Variants in FAM168B observed in about 807,000 individuals in gnomAD.
FAM168B encodes myelin-associated neurite-outgrowth inhibitor.
In FAM168B, 19 loss-of-function variants were observed where a neutral mutation model predicts 21.8. That is an observed-to-expected ratio of 0.87 (90% confidence interval 0.61 to 1.28). The LOEUF (loss-of-function observed/expected upper bound fraction) is 1.28. Among genes scored for constraint, FAM168B ranks in the 50% most tolerant of loss-of-function variants. The pLI, the probability that FAM168B is intolerant of heterozygous loss-of-function variation, is 0.00. For synonymous variants in FAM168B, 126 were observed against 104.8 expected (o/e 1.20, Z -1.24); for missense variants, 233 against 263.1 (o/e 0.89, Z 0.79).
intron 3 of FAM168B, among the ~76,000 whole-genome samples, chr2:131,060,951 A>T (rs1252591059): frequency 6.6e-6 from 1 of 151,484 alleles, no homozygotes; most frequent in Admixed American, 6.6e-5. Context: ...TCCCGGGTTC[A>T]CGCCATTCTC....
chr2:131,065,806 A>G (rs1489676538), intron 3 of FAM168B, among the ~76,000 whole-genome samples: 1 of 150,476 alleles, frequency 6.6e-6, no homozygotes, highest in Admixed American at 6.6e-5. Flanking sequence ...AAAGAAAAAA[A>G]GAAAAAAAAA....
Position 131,072,106 on chromosome 2 carries a change from G to A in FAM168B, c.71-168C>T, listed in dbSNP as rs1051705767. On this transcript the variant is annotated intron_variant, in intron 2 of 6. Transcript: ENST00000389915. ...GCATGTCTCTAGTTGTCTTCTTCCCGCAGAACTTTGTTTTTTTTATCGTTG... is the reference window on the plus strand; with the variant it reads ...GCATGTCTCTAGTTGTCTTCTTCCCACAGAACTTTGTTTTTTTTATCGTTG... Among the ~76,000 whole-genome samples, 9 of 152,228 alleles carry A rather than the reference G, an allele frequency of 5.9e-5. 1 individual carries two copies. In the South Asian group the frequency reaches 1.2e-3, roughly 21 times the overall value.
intron 3 of FAM168B, among the ~76,000 whole-genome samples, chr2:131,062,831 T>C (rs1692371673): frequency 6.6e-6 from 1 of 152,238 alleles, no homozygotes; most frequent in African/African-American, 2.4e-5. Flanking sequence ...AGCATGCATA[T>C]GCAACTCAGC....
In FAM168B at chr2:131,051,771, C is replaced by T. The variant is rs1691691217; in HGVS notation, c.*694G>A. 1.0e-6 allele frequency: 1 copy of T among 985,428 alleles called. No homozygotes were observed. Among genetic ancestry groups the T allele is most frequent in the Admixed American group, 6.1e-5 (1 of 16,282 alleles). The allele number at this position is 985,428 out of a possible 1,614,324, so 61.0% of individuals were successfully genotyped here. On this transcript the variant is annotated 3_prime_UTR_variant, in exon 7 of 7. Coordinates refer to ENST00000389915, the MANE Select transcript of FAM168B (RefSeq NM_001009993.4). ...TTTCATGATGAGCTTTAAGCATGTC[C>T]CTGTTCCACTGACTCCACCAAGCCT...
intron 1 of FAM168B, among the ~76,000 whole-genome samples, chr2:131,084,984 T>C (rs889427184): frequency 6.6e-6 from 1 of 152,116 alleles, no homozygotes; most frequent in Non-Finnish European, 1.5e-5. Flanking sequence ...TAAAATGCAG[T>C]GTATTAAAGT....
At chr2:131,086,782 A>ATAAAGTGTTCTGAGGGCTGAGAGGGG (rs1573822542) in intron 1 of FAM168B, among the ~76,000 whole-genome samples, 2 of 147,540 alleles carry the variant, frequency 1.4e-5, no homozygotes, top group African/African-American at 5.3e-5. Context: ...TCACAAGAGA[A>ATAAAGTGTTCTGAGGGCTGAGAGGGG]AGGCCGGGCG....
rs534099261 is a variant in FAM168B, at chr2:131,077,712, T to A, written c.70+4865A>T. Among the ~76,000 whole-genome samples, 102 of 152,334 alleles carry A rather than the reference T, an allele frequency of 6.7e-4. 1 individual carries two copies. The highest frequency in any genetic ancestry group is 6.6e-3 in the Admixed American group (101 of 15,298). The stretch of plus-strand genomic sequence containing the variant: ...CTGGAGGACAGAGAAACATGGGTTT[T>A]GGTGATCTTGAAGGGCTGTAGTGAT... On this transcript the variant is annotated intron_variant, in intron 2 of 6. Transcript: ENST00000389915.
chr2:131,055,689 G>A lies in FAM168B; in HGVS notation c.161C>T (p.Thr54Ile). ...GANPTFQTGY[T>I]PGTPYKVSCS... is the part of the protein sequence containing the mutation. ...GGACACTTTGTAAGGTGTGCCAGGA[G>A]TGTAACCTGGAACAAAGAAGGCAAT... is the stretch of plus-strand genomic sequence containing the variant. Residue 54 changes from threonine to isoleucine, a missense_variant, in exon 4 of 7, where the codon ACT (threonine) becomes ATT (isoleucine). Transcript: ENST00000389915. 1 of 1,613,724 alleles carries A rather than the reference G, an allele frequency of 6.2e-7. No individual in the cohort carries two copies.
At chr2:131,062,840 G>A (rs1692372229) in intron 3 of FAM168B, among the ~76,000 whole-genome samples, 1 of 152,232 alleles carries the variant, frequency 6.6e-6, no homozygotes, top group African/African-American at 2.4e-5. Flanking sequence ...ATGCAACTCA[G>A]CATGCAATGC....
At chr2:131,070,559 C>G (rs545623015) in intron 3 of FAM168B, among the ~76,000 whole-genome samples, 7 of 152,268 alleles carry the variant, frequency 4.6e-5, no homozygotes, top group South Asian at 2.1e-4. Flanking sequence ...TTTATTTACT[C>G]AAGAGAAATC....
intron 1 of FAM168B, among the ~76,000 whole-genome samples, chr2:131,088,965 C>CT (rs34730768): frequency 0.24 from 33,320 of 139,878 alleles, 5,691 homozygotes; most frequent in African/African-American, 0.49. Flanking sequence ...GAGCGTACCA[C>CT]TTTTTTTTTT....
chr2:131,058,706 T>C (rs1692148020), intron 3 of FAM168B, among the ~76,000 whole-genome samples: 1 of 152,136 alleles, frequency 6.6e-6, no homozygotes, highest in South Asian at 2.1e-4. Context: ...AAAAGCAAGT[T>C]TCAAGACAAG....
intron 2 of FAM168B, among the ~76,000 whole-genome samples, chr2:131,077,793 G>A (rs1573802414): frequency 6.6e-6 from 1 of 152,240 alleles, no homozygotes; most frequent in Middle Eastern, 3.4e-3. Context: ...TAAGACATAT[G>A]TCAAATTCTA....
In FAM168B at chr2:131,055,662, C is replaced by A; in HGVS notation, c.188G>T (p.Cys63Phe). The A allele has an allele frequency of 6.2e-7, 1 of 1,613,724 alleles. No individual in the cohort carries two copies. The highest frequency in any genetic ancestry group is 1.3e-5 in the African/African-American group (1 of 74,990). ...YTPGTPYKVS[C>F]SPTSGAVPPY... ...TGGCACAGCCCCGCTGGTGGGGGAA[C>A]AGGACACTTTGTAAGGTGTGCCAGG... The change falls in exon 4 of 7, where the codon TGT becomes TTT. Residue 63 changes from cysteine (C) to phenylalanine (F), a missense_variant. Physicochemically the swap from Cys to Phe is radical, Grantham distance 205. Transcript: ENST00000389915.
Position 131,055,357 on chromosome 2 carries a change from C to G in FAM168B, c.390G>C (p.Thr130=). The G allele has an allele frequency of 6.3e-7, 1 of 1,596,828 alleles. No individual in the cohort carries two copies. Among genetic ancestry groups the G allele is most frequent in the East Asian group, 2.2e-5 (1 of 44,660 alleles). The change falls in exon 5 of 7, where the codon ACG becomes ACC. Residue 130 remains threonine (T), a synonymous_variant. Coordinates refer to ENST00000389915, the MANE Select transcript of FAM168B (RefSeq NM_001009993.4). ...GAGGGGGGATGGGAGCAGGGTACACCGTTGCAGGCATGCCGTTGGGCTGCA... is the reference window on the plus strand; with the variant it reads ...GAGGGGGGATGGGAGCAGGGTACACGGTTGCAGGCATGCCGTTGGGCTGCA... ...TVVQPNGMPA[T]VYPAPIPPPR...
intron 3 of FAM168B, among the ~76,000 whole-genome samples, chr2:131,059,762 G>A (rs571033177): frequency 1.3e-5 from 2 of 152,258 alleles, no homozygotes; most frequent in East Asian, 3.9e-4. Flanking sequence ...CTGGAAATAT[G>A]AACACTGATT....
intron 1 of FAM168B, among the ~76,000 whole-genome samples, chr2:131,087,624 G>A (rs904082986): frequency 6.6e-6 from 1 of 152,198 alleles, no homozygotes; most frequent in Non-Finnish European, 1.5e-5. Context: ...TAGGGAATCA[G>A]TAATAGATGA....
rs765582770 is a variant in FAM168B, at chr2:131,049,120, C to A, written c.*3345G>T. The A allele has an allele frequency of 2.1e-5, 21 of 985,474 alleles. No individual in the cohort carries two copies. Among genetic ancestry groups the A allele is most frequent in the Non-Finnish European group, 2.4e-5 (20 of 829,938 alleles). The allele number at this position is 985,474 out of a possible 1,614,324, so 61.0% of individuals were successfully genotyped here. ...CTTACATACCTTACGGGGGCCAACACTGACAGGTATTAGTACGTCGCAAGT... is the reference window on the plus strand; with the variant it reads ...CTTACATACCTTACGGGGGCCAACAATGACAGGTATTAGTACGTCGCAAGT... On this transcript the variant is annotated 3_prime_UTR_variant, in exon 7 of 7. Coordinates refer to ENST00000389915, the MANE Select transcript of FAM168B (RefSeq NM_001009993.4).
chr2:131,074,700 G>T (rs1409505847), intron 2 of FAM168B, among the ~76,000 whole-genome samples: 1 of 152,146 alleles, frequency 6.6e-6, no homozygotes, highest in Non-Finnish European at 1.5e-5. Flanking sequence ...ACCAAAGCAA[G>T]GAAGCCCTAA....
Sources: allele counts gnomAD v4.1 joint callset (sites outside exome capture counted in the v4.1 genomes callset), GRCh38; gene constraint gnomAD v4.1.1; transcripts MANE v1.5; gene names NCBI Gene and HGNC (gene_info 2026-07-23, HGNC 2026-07-21).